The following DYSF variants were observed in gnomAD, a reference collection of about 807,000 sequenced individuals.
The protein encoded by DYSF is dystrophy-associated fer-1-like 1.
Under a neutral mutation model 274.9 loss-of-function variants are expected in DYSF, and 212 were observed. The ratio of observed to expected loss-of-function variants is 0.77; its 90% CI spans 0.69 to 0.86. The LOEUF (loss-of-function observed/expected upper bound fraction) is 0.86, where lower values mean the gene tolerates loss of function less well. Among genes scored for constraint, DYSF ranks in the 40% least tolerant of loss-of-function variants. The pLI is 0.00. For missense variants in DYSF, 2,666 were observed against 2,783.2 expected, an observed-to-expected ratio of 0.96 and a Z score of 0.95; for synonymous variants, 1,091 against 1,078.7, an observed-to-expected ratio of 1.01 and a Z score of -0.22.
chr2:71,541,200 C>T (rs10180502), intron 17 of DYSF, among the ~76,000 whole-genome samples: 102,323 of 152,040 alleles, frequency 0.67, 35,291 homozygotes, highest in Middle Eastern at 0.76. Context: ...TTCTATAACA[C>T]AAGAATACAG....
chr2:71,521,182 C>A (rs930674709), intron 12 of DYSF, among the ~76,000 whole-genome samples: 2 of 152,084 alleles, frequency 1.3e-5, no homozygotes, highest in African/African-American at 4.8e-5. Context: ...CACATATTTT[C>A]TTTTTGCAAC....
chr2:71,591,541 G>C (rs796308858), intron 32 of DYSF, among the ~76,000 whole-genome samples: 28 of 152,350 alleles, frequency 1.8e-4, no homozygotes, highest in African/African-American at 6.7e-4. Flanking sequence ...CTGTGAAGTA[G>C]GTGGTCAACA....
intron 52 of DYSF, 118 bp from the exon 53 acceptor site, chr2:71,678,939 T>C: frequency 1.1e-6 from 1 of 889,098 alleles, no homozygotes; most frequent in Non-Finnish European, 1.9e-6. Flanking sequence ...GGCTCGGCCA[T>C]GGATAGAAGC....
chr2:71,572,276 G>T (rs947688431), intron 29 of DYSF, among the ~76,000 whole-genome samples: 25 of 130,634 alleles, frequency 1.9e-4, no homozygotes, highest in African/African-American at 7.2e-4. Context: ...AACCAGCACA[G>T]ATCACACCTA....
rs1159222033 is a variant in DYSF, at chr2:71,515,766, G to A, written c.888+15G>A. On this transcript the variant is annotated intron_variant, in intron 8 of 55. Coordinates refer to ENST00000410020, the MANE Select transcript of DYSF (RefSeq NM_001130987.2). ...TCTTCAATGAGGTGGGAGACATGGG[G>A]CATGAGGGCCAGAACCTTGGTGGGC... 1 of 1,614,032 alleles carries A rather than the reference G, an allele frequency of 6.2e-7. No individual in the cohort carries two copies. Among genetic ancestry groups the A allele is most frequent in the South Asian group, 1.1e-5 (1 of 91,080 alleles).
intron 18 of DYSF, 87 bp downstream of exon 18, chr2:71,551,243 C>T: frequency 7.1e-7 from 1 of 1,412,566 alleles, no homozygotes; most frequent in Non-Finnish European, 1.0e-6. Flanking sequence ...GTCTTCCAGC[C>T]CCTCCTGGGG....
chr2:71,526,973 G>C (rs569754629), intron 13 of DYSF, among the ~76,000 whole-genome samples: 20 of 152,254 alleles, frequency 1.3e-4, no homozygotes, highest in Non-Finnish European at 2.8e-4. Context: ...CCACTGCCTG[G>C]TTTCTCACAG....
At chr2:71,665,994 G>A (rs1329396123) in intron 47 of DYSF, among the ~76,000 whole-genome samples, 2 of 152,158 alleles carry the variant, frequency 1.3e-5, no homozygotes, top group Non-Finnish European at 2.9e-5. Flanking sequence ...CAGAGCTGGT[G>A]CCAAGGTTAT....
intron 3 of DYSF, among the ~76,000 whole-genome samples, chr2:71,483,313 C>T (rs1193351135): frequency 1.3e-5 from 2 of 152,210 alleles, no homozygotes; most frequent in Non-Finnish European, 2.9e-5. Flanking sequence ...AACGCAGACA[C>T]TGTGGAAGGC....
At chr2:71,670,068 A>G (rs1475469213) in intron 51 of DYSF, among the ~76,000 whole-genome samples, 2 of 152,080 alleles carry the variant, frequency 1.3e-5, no homozygotes, top group South Asian at 4.1e-4. Context: ...TCTGTCATTC[A>G]TGGCACTACC....
At position 71,516,149 on chromosome 2, in the gene DYSF, T is replaced by C. The variant is rs369502694; in HGVS notation, c.889-31T>C. Reference sequence around the variant, plus strand: ...CCTGGCCTGAGGGATCAGCAGGCACTGATATGTCTCTCTTTGCTCTGAACC... The same window carrying C: ...CCTGGCCTGAGGGATCAGCAGGCACCGATATGTCTCTCTTTGCTCTGAACC... On this transcript the variant is annotated intron_variant, in intron 8 of 55. Transcript: ENST00000410020. 9.3e-6 allele frequency: 15 copies of C among 1,612,320 alleles called. No homozygotes were observed. The African/African-American group carries it at 2.0e-4, about 21-fold the overall frequency.
chr2:71,684,446 G>T (rs1457252111), intron 55 of DYSF, among the ~76,000 whole-genome samples: 1 of 152,250 alleles, frequency 6.6e-6, no homozygotes, highest in Non-Finnish European at 1.5e-5. Context: ...CTAAGCACGT[G>T]TGTGCGTCTG....
intron 30 of DYSF, among the ~76,000 whole-genome samples, chr2:71,580,374 A>T (rs1574139170): frequency 6.6e-6 from 1 of 152,332 alleles, no homozygotes; most frequent in East Asian, 1.9e-4. Flanking sequence ...TGGGAGTCAG[A>T]AGTGCAGGGA....
chr2:71,683,152 C>T (rs1452915023), intron 55 of DYSF, among the ~76,000 whole-genome samples: 1 of 152,180 alleles, frequency 6.6e-6, no homozygotes, highest in East Asian at 1.9e-4. Context: ...TCAGGGTCCA[C>T]CTGAGGCACT....
intron 36 of DYSF, among the ~76,000 whole-genome samples, chr2:71,603,566 G>C (rs1036099877): frequency 1.3e-5 from 2 of 152,202 alleles, no homozygotes; most frequent in African/African-American, 4.8e-5. Context: ...GTGTAATTTG[G>C]ACTTGAAGTG....
chr2:71,518,210 A>T (rs1320084761), intron 10 of DYSF, among the ~76,000 whole-genome samples: 1 of 152,114 alleles, frequency 6.6e-6, no homozygotes, highest in Non-Finnish European at 1.5e-5. Flanking sequence ...GATTACGTAA[A>T]GTAAAGGTAA....
chr2:71,662,350 T>G (rs2094896740), intron 45 of DYSF, among the ~76,000 whole-genome samples: 1 of 152,154 alleles, frequency 6.6e-6, no homozygotes, highest in African/African-American at 2.4e-5. Context: ...CCACTGCCCA[T>G]TTGTATGGAA....
At chr2:71,493,851 CA>C (rs145288384) in intron 3 of DYSF, among the ~76,000 whole-genome samples, 218 of 69,290 alleles carry the variant, frequency 3.1e-3, no homozygotes, top group African/African-American at 0.012. Flanking sequence ...TACTCTGTCT[CA>C]AAAAAAAAAA....
At chr2:71,465,610 T>C (rs1349751255), upstream of DYSF, among the ~76,000 whole-genome samples, 1 of 152,162 alleles carries the variant, frequency 6.6e-6, no homozygotes, top group Non-Finnish European at 1.5e-5. Context: ...GCCAGGGTTA[T>C]GGCTTAGCCC....
Sources: gnomAD v4.1 joint callset for allele counts (sites outside exome capture counted in the v4.1 genomes callset) on GRCh38, gnomAD v4.1.1 for gene constraint, MANE v1.5 for transcripts, NCBI Gene and HGNC (gene_info 2026-07-23, HGNC 2026-07-21) for gene names.